The following AHCY variants were observed in gnomAD, a reference collection of about 807,000 sequenced individuals.
The protein encoded by AHCY is S-adenosyl-L-homocysteine hydrolase.
In AHCY, 24 loss-of-function variants were observed where a neutral mutation model predicts 45.4. The observed-to-expected ratio is 0.53, with a 90% CI of 0.38 to 0.74. The LOEUF is 0.74. Ranked by LOEUF, AHCY falls within the 30% of genes least tolerant of loss-of-function variation. The pLI is 0.00. For synonymous variants in AHCY, 245 were observed against 235.1 expected (o/e 1.04, Z -0.39); for missense variants, 449 against 594.1 (o/e 0.76, Z 2.54).
chr20:34,281,987 C>T (rs919797317), intron 9 of AHCY, among the ~76,000 whole-genome samples: 6 of 152,216 alleles, frequency 3.9e-5, no homozygotes, highest in Non-Finnish European at 5.9e-5. Context: ...CCGTGCCTGG[C>T]AGATTCGAGA....
At chr20:34,248,827 C>T in the AHCY span, among the ~76,000 whole-genome samples, 2 of 151,158 alleles carry the variant, frequency 1.3e-5, no homozygotes, top group Non-Finnish European at 2.9e-5. Context: ...AAATATTCAG[C>T]AGAATATGTT....
At chr20:34,304,178 C>A (rs1337753448), upstream of AHCY, among the ~76,000 whole-genome samples, 1 of 152,158 alleles carries the variant, frequency 6.6e-6, no homozygotes, top group Non-Finnish European at 1.5e-5. Flanking sequence ...ATATATCAAC[C>A]GTATTTACCC....
At chr20:34,285,158 G>C (rs2036129811) in intron 9 of AHCY, among the ~76,000 whole-genome samples, 1 of 152,206 alleles carries the variant, frequency 6.6e-6, no homozygotes, top group African/African-American at 2.4e-5. Context: ...GCCTGTAAGT[G>C]GTGGGGCTGA....
At chr20:34,238,697 T>C in the AHCY span, among the ~76,000 whole-genome samples, 2 of 152,190 alleles carry the variant, frequency 1.3e-5, no homozygotes, top group African/African-American at 2.4e-5. Flanking sequence ...ATGTGCCATA[T>C]TTTTTCTTTT....
the AHCY span, chr20:34,246,560 G>C: frequency 1.2e-6 from 1 of 852,714 alleles, no homozygotes. Flanking sequence ...CTGCCTCCGG[G>C]CTCAAGCAAT....
chr20:34,302,008 T>TTG (rs2036790803), intron 1 of AHCY: 2 of 974,652 alleles, frequency 2.1e-6, no homozygotes, highest in Non-Finnish European at 2.4e-6. Context: ...TTTTGTTTGT[T>TTG]TTTTTTTTTT....
At chr20:34,302,910 C>A (rs1451429523) in intron 1 of AHCY, 2 of 985,340 alleles carry the variant, frequency 2.0e-6, no homozygotes, top group Non-Finnish European at 2.4e-6. Context: ...GGCGCAGGCC[C>A]CCCGAGCAGG....
chr20:34,291,104 C>T (rs770941755), intron 5 of AHCY, among the ~76,000 whole-genome samples, 166 bp from the exon 6 acceptor site: 1 of 152,126 alleles, frequency 6.6e-6, no homozygotes, highest in Non-Finnish European at 1.5e-5. Context: ...CCCTTCACCC[C>T]GATCGGCTCA....
the AHCY span, chr20:34,269,381 G>C: frequency 6.7e-6 from 4 of 596,516 alleles, no homozygotes; most frequent in Non-Finnish European, 8.0e-6. Context: ...GGTCCCGAAA[G>C]TTCTCGGTCC....
At chr20:34,235,846 AAGGAAGGAAGGAAGGAAGGAAAGGAAG>A in the AHCY span, among the ~76,000 whole-genome samples, 4 of 45,566 alleles carry the variant, frequency 8.8e-5, no homozygotes, top group African/African-American at 3.0e-4. Flanking sequence ...AGAAAGAAGG[AAGGAAGGAAGGAAGGAAGGAAAGGAAG>A]GAAGGAAGGA....
chr20:34,281,073 G>A lies in AHCY; in HGVS notation c.1260C>T (p.Ser420=), dbSNP rs1050918132. 1 of 1,614,060 alleles carries A rather than the reference G, an allele frequency of 6.2e-7. No homozygotes were observed. Among genetic ancestry groups the A allele is most frequent in the African/African-American group, 1.3e-5 (1 of 74,934 alleles). ...TEKQAQYLGM[S]CDGPFKPDHY... ...GATCCGGCTTGAAGGGGCCATCACA[G>A]GACATGCCCAGGTACTGGGCTTGCT... The change falls in exon 10 of 10, where the codon TCC becomes TCT. Residue 420 remains serine (S), a synonymous_variant. Coordinates refer to ENST00000217426, the MANE Select transcript of AHCY (RefSeq NM_000687.4).
At chr20:34,248,502 A>G in the AHCY span, among the ~76,000 whole-genome samples, 1 of 152,162 alleles carries the variant, frequency 6.6e-6, no homozygotes, top group African/African-American at 2.4e-5. Flanking sequence ...GCAAATCCTC[A>G]CCATAAAAGA....
the AHCY span, among the ~76,000 whole-genome samples, chr20:34,247,436 GA>G: frequency 6.7e-6 from 1 of 150,280 alleles, no homozygotes; most frequent in Non-Finnish European, 1.5e-5. Context: ...GAGTAGCTGG[GA>G]TTACAGGCAC....
intron 1 of AHCY, among the ~76,000 whole-genome samples, chr20:34,300,116 C>T (rs1489400650): frequency 1.3e-5 from 2 of 152,052 alleles, no homozygotes; most frequent in African/African-American, 4.8e-5. Context: ...ACCTGGGAGG[C>T]GGAGGTGGCA....
the AHCY span, among the ~76,000 whole-genome samples, chr20:34,274,251 AC>A: frequency 6.6e-6 from 1 of 152,346 alleles, no homozygotes; most frequent in East Asian, 1.9e-4. Context: ...TGACACCAAG[AC>A]TATCAAATTA....
At chr20:34,282,507 A>G (rs540414632) in intron 9 of AHCY, among the ~76,000 whole-genome samples, 1 of 152,328 alleles carries the variant, frequency 6.6e-6, no homozygotes, top group African/African-American at 2.4e-5. Context: ...TGGGGGTTAG[A>G]TTGTTATGCA....
intron 1 of AHCY, chr20:34,302,957 G>C: frequency 2.0e-6 from 2 of 985,472 alleles, no homozygotes; most frequent in Non-Finnish European, 2.4e-6. Context: ...CCGTGGCCAG[G>C]TGTGCTCTCC....
At chr20:34,285,308 C>T (rs2036135650) in intron 9 of AHCY, 132 bp downstream of exon 9, 2 of 952,240 alleles carry the variant, frequency 2.1e-6, no homozygotes, top group Non-Finnish European at 3.3e-6. Flanking sequence ...ATGACTTCTG[C>T]ACTGTAGAGG....
At chr20:34,281,701 T>C (rs1323427009) in intron 9 of AHCY, 3 of 197,818 alleles carry the variant, frequency 1.5e-5, no homozygotes, top group Admixed American at 5.3e-5. Context: ...CAGAGTCTCA[T>C]TCGGACGCCC....
Sources: gnomAD v4.1 joint callset for allele counts (sites outside exome capture counted in the v4.1 genomes callset) on GRCh38, gnomAD v4.1.1 for gene constraint, MANE v1.5 for transcripts, NCBI Gene and HGNC (gene_info 2026-07-23, HGNC 2026-07-21) for gene names.